Variants in USP16 observed in about 807,000 individuals in gnomAD.
USP16 encodes the protein ubiquitin specific peptidase 16, also known as ubiquitin carboxyl-terminal hydrolase 16.
In USP16, 77 loss-of-function variants were observed where a neutral mutation model predicts 95.9. The ratio of observed to expected loss-of-function variants is 0.80; its 90% CI spans 0.67 to 0.97. USP16 has a LOEUF of 0.97. Among genes scored for constraint, USP16 ranks in the 50% least tolerant of loss-of-function variants. USP16 has a pLI of 0.00. For missense variants in USP16, 943 were observed against 959.9 expected, an observed-to-expected ratio of 0.98 and a Z score of 0.23; for synonymous variants, 303 against 318.2, an observed-to-expected ratio of 0.95 and a Z score of 0.51.
chr21:29,029,312 C>T (rs1203647558), intron 2 of USP16, among the ~76,000 whole-genome samples: 1 of 152,150 alleles, frequency 6.6e-6, no homozygotes, highest in Non-Finnish European at 1.5e-5. Flanking sequence ...ACTTGGGAGG[C>T]TGAGGCAGGA....
intron 9 of USP16, 72 bp downstream of exon 9, chr21:29,039,640 G>A (rs1396324438): frequency 4.2e-6 from 6 of 1,414,690 alleles, no homozygotes; most frequent in African/African-American, 2.9e-5. Flanking sequence ...GATATCTTAC[G>A]AGTTAAAACA....
chr21:29,043,269 A>T, intron 12 of USP16, 154 bp from the exon 13 acceptor site: 2 of 514,670 alleles, frequency 3.9e-6, no homozygotes, highest in African/African-American at 4.0e-5. Flanking sequence ...AGTGTATGAG[A>T]TAAACGAATT....
intron 1 of USP16, among the ~76,000 whole-genome samples, chr21:29,025,942 T>C (rs1389890253): frequency 1.3e-5 from 2 of 152,150 alleles, no homozygotes; most frequent in African/African-American, 4.8e-5. Flanking sequence ...GATTAAAGAT[T>C]TAAGAAATTC....
chr21:29,050,844 A>C (rs2085402561), intron 16 of USP16, among the ~76,000 whole-genome samples: 1 of 152,200 alleles, frequency 6.6e-6, no homozygotes, highest in African/African-American at 2.4e-5. Context: ...AGGAGTTTAA[A>C]GCACTGGGGT....
At chr21:29,052,106 G>A (rs2085424511) in intron 16 of USP16, 1 of 152,068 alleles carries the variant, frequency 6.6e-6, no homozygotes, top group African/African-American at 2.4e-5. Flanking sequence ...GTGTATGTGG[G>A]AATCAGACCT....
intron 12 of USP16, 38 bp downstream of exon 12, chr21:29,042,566 T>G (rs1242639089): frequency 1.2e-5 from 18 of 1,560,926 alleles, no homozygotes; most frequent in Non-Finnish European, 1.6e-5. Flanking sequence ...AGTAGATTTT[T>G]TTTCCTGTAA....
At chr21:29,036,013 C>T (rs1015056146) in intron 4 of USP16, among the ~76,000 whole-genome samples, 1 of 152,196 alleles carries the variant, frequency 6.6e-6, no homozygotes, top group Admixed American at 6.5e-5. Context: ...CTTTTGACTT[C>T]AATGTTATAA....
At chr21:29,025,811 C>T in intron 1 of USP16, 3 of 774,840 alleles carry the variant, frequency 3.9e-6, no homozygotes, top group Non-Finnish European at 3.1e-6. Flanking sequence ...AGAAGTATTT[C>T]TTCAGGACCT....
At chr21:29,033,366 C>A (rs181639163) in intron 3 of USP16, among the ~76,000 whole-genome samples, 1 of 152,206 alleles carries the variant, frequency 6.6e-6, no homozygotes, top group African/African-American at 2.4e-5. Flanking sequence ...ATAAATTAAG[C>A]GAATAGTGTT....
rs761879426 is a variant in USP16 at position 29,046,991 on chromosome 21, T to C, written c.1681T>C (p.Tyr561His). 9.3e-6 allele frequency: 15 copies of C among 1,614,128 alleles called. No homozygotes were observed. The Admixed American group carries it at 2.3e-4, about 25-fold the overall frequency. Residue 561 changes from tyrosine to histidine, a missense_variant, in exon 14 of 18, where the codon TAC (tyrosine) becomes CAC (histidine). Transcript: ENST00000399976. ...SSPTRNLNGA[Y>H]LTEGSNGEVD... The stretch of plus-strand genomic sequence containing the variant: ...TCCCACTAGGAATTTAAATGGTGCC[T>C]ACCTAACGGAAGGGAGCAATGGAGA...
chr21:29,027,796 A>C (rs1414200811), intron 1 of USP16, 77 bp from the exon 2 acceptor site: 3 of 941,820 alleles, frequency 3.2e-6, no homozygotes, highest in Non-Finnish European at 5.1e-6. Context: ...TACGTGGCTT[A>C]GTTATATTAC....
At chr21:29,034,701 G>T in intron 3 of USP16, 136 bp from the exon 4 acceptor site, 2 of 745,678 alleles carry the variant, frequency 2.7e-6, no homozygotes, top group South Asian at 3.8e-5. Flanking sequence ...ATTGATTCTA[G>T]AGTCTAACAT....
At chr21:29,029,579 C>T (rs764229077) in intron 2 of USP16, among the ~76,000 whole-genome samples, 10 of 152,268 alleles carry the variant, frequency 6.6e-5, no homozygotes, top group Admixed American at 2.6e-4. Context: ...AGTTTCTAAA[C>T]CTCCAGTGTT....
At chr21:29,038,218 A>T (rs182005822) in intron 6 of USP16, 117 bp from the exon 7 acceptor site, 1 of 646,876 alleles carries the variant, frequency 1.5e-6, no homozygotes, top group African/African-American at 1.8e-5. Context: ...TTTTCCAAGT[A>T]TAGAGTTTTC....
Position 29,040,691 on chromosome 21 carries a change from A to G in USP16, c.1030+4A>G. 2 of 1,502,596 alleles carry G rather than the reference A, an allele frequency of 1.3e-6. No individual in the cohort carries two copies. The highest frequency in any genetic ancestry group is 1.8e-6 in the Non-Finnish European group (2 of 1,095,590). 93.1% of individuals were successfully genotyped at this position (1,502,596 alleles called of 1,614,324 possible). ...GAACTAAAAAATAAAGTTAAAGGTAATGTCTGACTTTTTGAACTAAAACAC... is the reference window on the plus strand; with the variant it reads ...GAACTAAAAAATAAAGTTAAAGGTAGTGTCTGACTTTTTGAACTAAAACAC... On this transcript the variant is annotated splice_donor_region_variant and intron_variant, in intron 10 of 17. Transcript: ENST00000399976.
chr21:29,054,384 C>T lies in USP16; in HGVS notation c.*197C>T. On this transcript the variant is annotated 3_prime_UTR_variant, in exon 18 of 18. Coordinates refer to ENST00000399976, the MANE Select transcript of USP16 (RefSeq NM_006447.3). ...TTATATTGTCATAGTGGTTTTTATT[C>T]CTGCTTTGTTTCTGGAAAGGAAATC... is the stretch of plus-strand genomic sequence containing the variant. 1.4e-6 allele frequency: 1 copy of T among 713,488 alleles called. No individual in the cohort carries two copies. Among genetic ancestry groups the T allele is most frequent in the Middle Eastern group, 4.1e-4 (1 of 2,422 alleles). 44.2% of individuals were successfully genotyped at this position (713,488 alleles called of 1,614,324 possible). A position where few individuals can be genotyped will look rare whatever the true frequency, so the allele number is the denominator to read the frequency against.
rs747800328 is a variant in USP16 at position 29,050,078 on chromosome 21, T to C, written c.2107-14T>C. 7.7e-5 allele frequency: 124 copies of C among 1,607,620 alleles called. No individual in the cohort carries two copies. Among genetic ancestry groups the C allele is most frequent in the Non-Finnish European group, 1.0e-4 (119 of 1,177,680 alleles). On this transcript the variant is annotated splice_polypyrimidine_tract_variant and intron_variant, in intron 15 of 17. Transcript: ENST00000399976. ...TCCAAGAAAAGAAGTCAATCTGTTA[T>C]GCTTCTCTTTTAGGCTGGTTTTAAC...
chr21:29,030,794 C>A, intron 3 of USP16, 21 bp downstream of exon 3: 1 of 1,581,072 alleles, frequency 6.3e-7, no homozygotes, highest in East Asian at 2.2e-5. Flanking sequence ...GTTTTAAGAT[C>A]AATATGGGAT....
chr21:29,052,287 T>C (rs970123818), intron 16 of USP16: 2 of 152,220 alleles, frequency 1.3e-5, no homozygotes, highest in Non-Finnish European at 2.9e-5. Context: ...GATAAAGATA[T>C]ACTGGACAAG....
Sources: allele counts gnomAD v4.1 joint callset (sites outside exome capture counted in the v4.1 genomes callset), GRCh38; gene constraint gnomAD v4.1.1; transcripts MANE v1.5; gene names NCBI Gene and HGNC (gene_info 2026-07-23, HGNC 2026-07-21).